AAGAB: variants seen among roughly 807,000 people sequenced by gnomAD.
AAGAB encodes the protein alpha and gamma adaptin binding protein.
AAGAB carries 38 observed loss-of-function variants against 44.1 expected under a neutral mutation model. The observed-to-expected ratio is 0.86, with a 90% CI of 0.67 to 1.13. AAGAB has a LOEUF of 1.13. Among genes scored for constraint, AAGAB ranks in the 50% most tolerant of loss-of-function variants. The pLI is 0.00. For missense variants in AAGAB, 450 were observed against 373.8 expected (o/e 1.20, Z -1.68); for synonymous variants, 131 against 131.8 (o/e 0.99, Z 0.04).
chr15:67,242,429 CAAAAAAAAAAAAAAAA>C (rs59817309), intron 1 of AAGAB, among the ~76,000 whole-genome samples: 6 of 58,750 alleles, frequency 1.0e-4, no homozygotes, highest in Admixed American at 2.6e-4. Flanking sequence ...GACTCCGTCT[CAAAAAAAAAAAAAAAA>C]AAAAAAAAAA....
At chr15:67,209,088 G>GT (rs1963749961) in intron 6 of AAGAB, among the ~76,000 whole-genome samples, 1 of 152,216 alleles carries the variant, frequency 6.6e-6, no homozygotes, top group African/African-American at 2.4e-5. Flanking sequence ...AGGATGCAGG[G>GT]TTGAAACTGG....
In AAGAB at chr15:67,208,640, C is replaced by T. The variant is rs564806767; in HGVS notation, c.637G>A (p.Ala213Thr). The T allele has an allele frequency of 2.5e-6, 4 of 1,614,082 alleles. No individual in the cohort carries two copies. Among genetic ancestry groups the T allele is most frequent in the Non-Finnish European group, 3.4e-6 (4 of 1,179,986 alleles). Residue 213 changes from alanine to threonine, a missense_variant, in exon 7 of 10, where the codon GCA (alanine) becomes ACA (threonine). Coordinates refer to ENST00000261880, the MANE Select transcript of AAGAB (RefSeq NM_024666.5). ...TCAGAGAGGGATTCAGTACTATCTG[C>T]TGCTGGCAAATGGGGTTGCTGTTGA... ...CHPEQPHLPAADSTESLSDHR... is the reference protein window; with the variant it reads ...CHPEQPHLPATDSTESLSDHR...
chr15:67,246,941 C>T (rs766999449), intron 1 of AAGAB, among the ~76,000 whole-genome samples: 10 of 152,198 alleles, frequency 6.6e-5, no homozygotes, highest in Non-Finnish European at 1.2e-4. Flanking sequence ...TCCCCTTCCA[C>T]GCTGTGGAAG....
chr15:67,217,008 T>C (rs956748675), intron 5 of AAGAB, among the ~76,000 whole-genome samples: 1 of 152,070 alleles, frequency 6.6e-6, no homozygotes, highest in Non-Finnish European at 1.5e-5. Flanking sequence ...CCTCTTCCCC[T>C]TTTTCTCTTA....
At chr15:67,236,169 C>T in intron 3 of AAGAB, 101 bp from the exon 4 acceptor site, 1 of 979,500 alleles carries the variant, frequency 1.0e-6, no homozygotes, top group East Asian at 2.5e-5. Context: ...CCCTTAATGT[C>T]AATGTTATTC....
chr15:67,238,253 C>CT (rs1303293376), intron 1 of AAGAB, among the ~76,000 whole-genome samples: 1 of 152,126 alleles, frequency 6.6e-6, no homozygotes. Flanking sequence ...ATTTGACAAT[C>CT]TGAGTGCATC....
At chr15:67,219,728 G>A (rs1375337245) in intron 5 of AAGAB, among the ~76,000 whole-genome samples, 1 of 152,068 alleles carries the variant, frequency 6.6e-6, no homozygotes, top group Non-Finnish European at 1.5e-5. Flanking sequence ...TCCTGTACAT[G>A]TACCCCCAAT....
intron 1 of AAGAB, chr15:67,254,243 G>A: frequency 2.6e-6 from 1 of 391,356 alleles, no homozygotes; most frequent in Non-Finnish European, 4.4e-6. Context: ...CTGTAACCTA[G>A]CGCAATTTCC....
chr15:67,218,847 T>C (rs1036855238), intron 5 of AAGAB, among the ~76,000 whole-genome samples: 2 of 152,200 alleles, frequency 1.3e-5, no homozygotes, highest in African/African-American at 4.8e-5. Context: ...GCAGCTGAGG[T>C]TTTATCTACA....
chr15:67,231,273 T>A (rs1056098316), intron 5 of AAGAB, among the ~76,000 whole-genome samples: 3 of 152,226 alleles, frequency 2.0e-5, no homozygotes, highest in Non-Finnish European at 4.4e-5. Context: ...TTATTCTCTA[T>A]GTCATGCTTC....
intron 1 of AAGAB, among the ~76,000 whole-genome samples, chr15:67,239,195 T>G (rs1053534154): frequency 2.6e-5 from 4 of 152,154 alleles, no homozygotes; most frequent in African/African-American, 9.7e-5. Flanking sequence ...ATCAAAAAAT[T>G]GGGGTTATGC....
rs190919802 is a variant in AAGAB at position 67,229,419 on chromosome 15, C to T, written c.535+2395G>A. 1.2e-3 allele frequency among the ~76,000 whole-genome samples: 157 copies of T among 135,170 alleles called. 3 individuals are homozygous for T. In the East Asian group the frequency reaches 0.014, roughly 12 times the overall value. The allele number at this position is 135,170 out of a possible 152,430, so 88.7% of individuals were successfully genotyped here. A position where few individuals can be genotyped will look rare whatever the true frequency, so the allele number is the denominator to read the frequency against. On this transcript the variant is annotated intron_variant, in intron 5 of 9. Transcript: ENST00000261880. ...CTGCACTCCAGCCTGGGCAACAGAG[C>T]GAGAGTCCGTCTTAAAAAAAAAAAA...
Position 67,242,292 on chromosome 15 carries a change from G to A in AAGAB, c.74-5472C>T, listed in dbSNP as rs1004289334. On this transcript the variant is annotated intron_variant, in intron 1 of 9. Transcript: ENST00000261880. ...CAAAAAATTAGCCGGGCGCGGTGGC[G>A]GGCGCCTGTAGTCCCAGCTACTCGG... Among the ~76,000 whole-genome samples the A allele has an allele frequency of 1.7e-4, 22 of 132,100 alleles. 1 individual carries two copies. The highest frequency in any genetic ancestry group is 4.9e-4 in the African/African-American group (19 of 38,544). 86.7% of individuals were successfully genotyped at this position (132,100 alleles called of 152,430 possible).
chr15:67,249,625 A>G (rs763398179), intron 1 of AAGAB, among the ~76,000 whole-genome samples: 79 of 152,312 alleles, frequency 5.2e-4, no homozygotes, highest in Non-Finnish European at 9.1e-4. Flanking sequence ...AATCATCCGA[A>G]GTGGCAATGT....
chr15:67,236,860 C>T, intron 1 of AAGAB, 40 bp from the exon 2 acceptor site: 1 of 1,491,200 alleles, frequency 6.7e-7, no homozygotes, highest in Non-Finnish European at 9.1e-7. Context: ...AAGTGCAAAA[C>T]CAATATACAT....
chr15:67,236,278 G>T, intron 3 of AAGAB, 130 bp downstream of exon 3: 1 of 989,060 alleles, frequency 1.0e-6, no homozygotes, highest in Non-Finnish European at 1.5e-6. Flanking sequence ...AAGAAAAATA[G>T]CTGAAAATAT....
Position 67,231,812 on chromosome 15 carries a change from A to T in AAGAB, c.535+2T>A. 1 of 1,607,906 alleles carries T rather than the reference A, an allele frequency of 6.2e-7. No individual in the cohort carries two copies. ...AAATGACTTGAGTCCCAAGTTACTT[A>T]CCATTCTTCATCACTACATTGGACC... is the stretch of plus-strand genomic sequence containing the variant. On this transcript the variant is annotated splice_donor_variant, in intron 5 of 9. Transcript: ENST00000261880. LOFTEE classifies it high-confidence loss of function.
intron 5 of AAGAB, among the ~76,000 whole-genome samples, chr15:67,228,922 A>G (rs1964268285): frequency 6.6e-6 from 1 of 152,146 alleles, no homozygotes; most frequent in Non-Finnish European, 1.5e-5. Flanking sequence ...AGTGGGAGCT[A>G]AACACTGAAT....
At chr15:67,249,643 T>C (rs181681920) in intron 1 of AAGAB, among the ~76,000 whole-genome samples, 10 of 152,344 alleles carry the variant, frequency 6.6e-5, no homozygotes, top group Admixed American at 3.9e-4. Flanking sequence ...TGTGAGCATA[T>C]TTTAAAACCG....
Sources: allele counts gnomAD v4.1 joint callset (sites outside exome capture counted in the v4.1 genomes callset), GRCh38; gene constraint gnomAD v4.1.1; transcripts MANE v1.5; gene names NCBI Gene and HGNC (gene_info 2026-07-23, HGNC 2026-07-21).